CCDC102B: variants seen among roughly 807,000 people sequenced by gnomAD.
The protein encoded by CCDC102B is coiled-coil domain-containing protein 102B.
Under a neutral mutation model 57.4 loss-of-function variants are expected in CCDC102B, and 75 were observed. The ratio of observed to expected loss-of-function variants is 1.31; its 90% CI spans 1.08 to 1.58. The LOEUF is 1.58. CCDC102B is among the 40% of genes most tolerant of loss of function. The pLI is 0.00. For synonymous variants in CCDC102B, 206 were observed against 201.9 expected, an observed-to-expected ratio of 1.02 and a Z score of -0.17; for missense variants, 636 against 582.6, an observed-to-expected ratio of 1.09 and a Z score of -0.94.
chr18:68,790,069 G>A (rs992057503), intron 2 of CCDC102B, among the ~76,000 whole-genome samples: 2 of 147,736 alleles, frequency 1.4e-5, no homozygotes, highest in African/African-American at 2.6e-5. Context: ...TCAGCTGCAG[G>A]TCTGTTGGAA....
intron 4 of CCDC102B, among the ~76,000 whole-genome samples, chr18:68,873,150 C>T (rs2039301921): frequency 6.6e-6 from 1 of 152,074 alleles, no homozygotes; most frequent in African/African-American, 2.4e-5. Flanking sequence ...GGACTAATGC[C>T]ACATTGTCTA....
At chr18:69,048,593 A>G (rs989853404) in intron 7 of CCDC102B, among the ~76,000 whole-genome samples, 2 of 152,118 alleles carry the variant, frequency 1.3e-5, no homozygotes, top group East Asian at 3.9e-4. Context: ...TGAAATTCAG[A>G]AATAAGACTA....
intron 5 of CCDC102B, among the ~76,000 whole-genome samples, chr18:68,880,319 G>A (rs183296823): frequency 4.1e-4 from 63 of 152,304 alleles, no homozygotes; most frequent in African/African-American, 1.2e-3. Flanking sequence ...ATGCCCACCC[G>A]GAACTCCAGC....
At chr18:68,816,466 T>C (rs934286933) in intron 1 of CCDC102B, among the ~76,000 whole-genome samples, 246 of 126,298 alleles carry the variant, frequency 1.9e-3, no homozygotes, top group African/African-American at 7.0e-3. Context: ...TTTCTTTTTT[T>C]TTTTTTTTTT....
upstream of CCDC102B, among the ~76,000 whole-genome samples, chr18:68,796,472 T>C (rs76417055): frequency 0.054 from 8,230 of 152,082 alleles, 278 homozygotes; most frequent in Non-Finnish European, 0.084. Context: ...CAAATATGAG[T>C]ATTGAAAATT....
intron 6 of CCDC102B, among the ~76,000 whole-genome samples, chr18:68,914,895 A>G (rs116269093): frequency 0.043 from 6,524 of 152,242 alleles, 182 homozygotes; most frequent in African/African-American, 0.073. Flanking sequence ...ATTGTTTCAC[A>G]TAAAATCACA....
chr18:68,875,157 A>C (rs945576179), intron 5 of CCDC102B, among the ~76,000 whole-genome samples: 26 of 152,164 alleles, frequency 1.7e-4, no homozygotes, highest in African/African-American at 6.0e-4. Flanking sequence ...TGGAATTAAC[A>C]TTGCTATTGG....
chr18:68,747,381 T>A (rs1158514073), intron 2 of CCDC102B, among the ~76,000 whole-genome samples: 1 of 152,122 alleles, frequency 6.6e-6, no homozygotes, highest in Non-Finnish European at 1.5e-5. Flanking sequence ...TTCTGCAGGA[T>A]CATATCCTGG....
At chr18:68,906,720 A>C (rs538505480) in intron 6 of CCDC102B, among the ~76,000 whole-genome samples, 13 of 152,096 alleles carry the variant, frequency 8.5e-5, no homozygotes, top group African/African-American at 3.1e-4. Context: ...AGAATTCTTT[A>C]TATATTCTGG....
At chr18:69,032,251 A>G (rs2052166512) in intron 7 of CCDC102B, among the ~76,000 whole-genome samples, 1 of 152,206 alleles carries the variant, frequency 6.6e-6, no homozygotes, top group African/African-American at 2.4e-5. Flanking sequence ...AAGATAAAAT[A>G]GTGAATGATG....
chr18:69,049,926 C>T (rs1410170073), intron 7 of CCDC102B, among the ~76,000 whole-genome samples: 1 of 152,082 alleles, frequency 6.6e-6, no homozygotes, highest in African/African-American at 2.4e-5. Flanking sequence ...TCTCCTGCCT[C>T]AGCCTCCTGA....
At chr18:68,817,911 G>A (rs1292642110) in intron 1 of CCDC102B, among the ~76,000 whole-genome samples, 1 of 151,978 alleles carries the variant, frequency 6.6e-6, no homozygotes, top group African/African-American at 2.4e-5. Context: ...TAATTTGGGT[G>A]GTAGGATAAC....
intron 6 of CCDC102B, among the ~76,000 whole-genome samples, chr18:68,971,825 G>T (rs2050308079): frequency 6.6e-6 from 1 of 151,898 alleles, no homozygotes; most frequent in African/African-American, 2.4e-5. Context: ...GAATCTACTG[G>T]ATTGTACACT....
At chr18:68,769,703 CA>C (rs926073252) in intron 2 of CCDC102B, among the ~76,000 whole-genome samples, 17 of 143,814 alleles carry the variant, frequency 1.2e-4, no homozygotes, top group Middle Eastern at 3.5e-3. Context: ...TATGAGTTAC[CA>C]AAAAAAAAAG....
At chr18:68,732,237 C>A (rs554167626) in intron 2 of CCDC102B, among the ~76,000 whole-genome samples, 2 of 151,976 alleles carry the variant, frequency 1.3e-5, no homozygotes, top group South Asian at 4.2e-4. Flanking sequence ...TAAATTATTT[C>A]TAGTATTTCT....
intron 3 of CCDC102B, among the ~76,000 whole-genome samples, chr18:68,843,763 T>C (rs547179077): frequency 6.6e-6 from 1 of 152,150 alleles, no homozygotes; most frequent in East Asian, 1.9e-4. Context: ...TTCTTGTAGC[T>C]CAAATACTCT....
chr18:68,981,258 G>A (rs2050572191), intron 6 of CCDC102B, among the ~76,000 whole-genome samples: 1 of 151,906 alleles, frequency 6.6e-6, no homozygotes, highest in African/African-American at 2.4e-5. Flanking sequence ...GAAAGGAGAG[G>A]AAAGAGAGAA....
At chr18:68,825,597 G>A (rs1173177266) in intron 1 of CCDC102B, among the ~76,000 whole-genome samples, 24 of 152,094 alleles carry the variant, frequency 1.6e-4, no homozygotes, top group Admixed American at 1.6e-3. Context: ...GGCTGAGGCA[G>A]GAGAATCACT....
intron 4 of CCDC102B, among the ~76,000 whole-genome samples, chr18:68,872,629 C>T (rs1599609595): frequency 6.6e-6 from 1 of 151,958 alleles, no homozygotes; most frequent in Admixed American, 6.6e-5. Flanking sequence ...TGATCAAAAA[C>T]CACCATGATC....
Sources: gnomAD v4.1 joint callset for allele counts (sites outside exome capture counted in the v4.1 genomes callset) on GRCh38, gnomAD v4.1.1 for gene constraint, MANE v1.5 for transcripts, NCBI Gene and HGNC (gene_info 2026-07-23, HGNC 2026-07-21) for gene names.